DPP6: variants seen among roughly 807,000 people sequenced by gnomAD.
DPP6 encodes dipeptidyl peptidase like 6.
In DPP6, 69 loss-of-function variants were observed where a neutral mutation model predicts 122.6. That is an observed-to-expected ratio of 0.56 (90% CI 0.46 to 0.69). DPP6 has a LOEUF of 0.69. Ranked by LOEUF, DPP6 falls within the 30% of genes least tolerant of loss-of-function variation. The pLI, the probability that DPP6 is intolerant of heterozygous loss-of-function variation, is 0.00. For synonymous variants in DPP6, 418 were observed against 433.1 expected, an observed-to-expected ratio of 0.97 and a Z score of 0.43; for missense variants, 928 against 1,116.9, an observed-to-expected ratio of 0.83 and a Z score of 2.41.
At chr7:154,232,541 C>A (rs1800978133) in intron 1 of DPP6, among the ~76,000 whole-genome samples, 1 of 152,170 alleles carries the variant, frequency 6.6e-6, no homozygotes, top group South Asian at 2.1e-4. Context: ...TCTTACCTTC[C>A]ATGAGGTTGG....
At chr7:154,777,824 G>C (rs747525954) in intron 10 of DPP6, among the ~76,000 whole-genome samples, 1 of 152,064 alleles carries the variant, frequency 6.6e-6, no homozygotes, top group African/African-American at 2.4e-5. Context: ...GCACCTGTGC[G>C]CAGCTGTGGG....
At chr7:154,749,462 A>C (rs1843234350) in intron 8 of DPP6, among the ~76,000 whole-genome samples, 2 of 133,400 alleles carry the variant, frequency 1.5e-5, no homozygotes, top group Admixed American at 7.4e-5. Flanking sequence ...CTTTACTGAG[A>C]GAGGGTGAGA....
At chr7:154,096,580 A>G (rs1222962475) in intron 1 of DPP6, among the ~76,000 whole-genome samples, 6 of 152,152 alleles carry the variant, frequency 3.9e-5, no homozygotes, top group Non-Finnish European at 5.9e-5. Flanking sequence ...ATGTCTGCAT[A>G]ATAAAATATT....
chr7:153,884,460 G>T (rs1310198107), upstream of DPP6, among the ~76,000 whole-genome samples: 2 of 152,190 alleles, frequency 1.3e-5, no homozygotes, highest in Non-Finnish European at 2.9e-5. Flanking sequence ...CATTGTGGAA[G>T]ACAGTATGGC....
intron 1 of DPP6, among the ~76,000 whole-genome samples, chr7:154,330,575 C>T (rs575186613): frequency 1.1e-3 from 175 of 152,236 alleles, no homozygotes; most frequent in Non-Finnish European, 1.6e-3. Context: ...GGACTGAGAC[C>T]GCTCCAGACA....
intron 1 of DPP6, among the ~76,000 whole-genome samples, chr7:154,115,227 T>TC (rs201424460): frequency 1.3e-5 from 2 of 151,862 alleles, no homozygotes; most frequent in African/African-American, 4.8e-5. Flanking sequence ...GGAGGTGCTG[T>TC]CCCCCCTTCT....
At chr7:154,758,766 T>C (rs1421265759) in intron 8 of DPP6, among the ~76,000 whole-genome samples, 1 of 152,200 alleles carries the variant, frequency 6.6e-6, no homozygotes, top group East Asian at 1.9e-4. Flanking sequence ...TTGTTTTGTT[T>C]TGTTTGTAAG....
At chr7:154,853,326 A>G (rs1188926156) in intron 16 of DPP6, among the ~76,000 whole-genome samples, 2 of 152,060 alleles carry the variant, frequency 1.3e-5, no homozygotes, top group Admixed American at 1.3e-4. Flanking sequence ...TTACATGAAT[A>G]CGTTTTTACA....
intron 1 of DPP6, chr7:154,055,738 G>A (rs2129064715): frequency 6.6e-6 from 1 of 152,342 alleles, no homozygotes; most frequent in East Asian, 1.9e-4. Flanking sequence ...GCTTAGCGCA[G>A]GAGAAATCTC....
chr7:154,200,423 A>C (rs1229946788), intron 1 of DPP6, among the ~76,000 whole-genome samples: 12 of 152,154 alleles, frequency 7.9e-5, no homozygotes, highest in African/African-American at 2.9e-4. Flanking sequence ...GATCTATCGA[A>C]CGCTAGTGTG....
intron 1 of DPP6, among the ~76,000 whole-genome samples, chr7:154,410,544 A>T (rs544668094): frequency 3.0e-4 from 46 of 152,264 alleles, no homozygotes; most frequent in Non-Finnish European, 5.7e-4. Flanking sequence ...CAATATTATG[A>T]TATGCAATAC....
At chr7:154,510,283 C>A (rs1825964241) in intron 3 of DPP6, among the ~76,000 whole-genome samples, 1 of 152,170 alleles carries the variant, frequency 6.6e-6, no homozygotes, top group Non-Finnish European at 1.5e-5. Flanking sequence ...AACCAGTGTA[C>A]TAGTCTGGAC....
chr7:154,748,686 C>T (rs1843156508), intron 8 of DPP6, among the ~76,000 whole-genome samples: 1 of 152,162 alleles, frequency 6.6e-6, no homozygotes, highest in South Asian at 2.1e-4. Flanking sequence ...AGGGCCAGGC[C>T]TCACTCTTTC....
chr7:154,843,386 A>C (rs909813480), intron 16 of DPP6, among the ~76,000 whole-genome samples: 1 of 152,224 alleles, frequency 6.6e-6, no homozygotes, highest in African/African-American at 2.4e-5. Context: ...TTGGCTGGGA[A>C]AAAAACAGAA....
Position 154,882,471 on chromosome 7 carries a change from C to T in DPP6, c.2133+1529C>T, listed in dbSNP as rs141745889. On this transcript the variant is annotated intron_variant, in intron 21 of 25. Coordinates refer to ENST00000377770, the MANE Select transcript of DPP6 (RefSeq NM_130797.4). ...CTCCTCTGAAGAATAAAGCGTCAAT[C>T]CTTTTAGTGGCTTGGCATGTTGCGG... Among the ~76,000 whole-genome samples, 9 of 152,320 alleles carry T rather than the reference C, an allele frequency of 5.9e-5. No homozygotes were observed. In the East Asian group the frequency reaches 1.7e-3, roughly 29 times the overall value.
At chr7:154,425,623 T>TGTGG (rs1554545600) in intron 1 of DPP6, among the ~76,000 whole-genome samples, 6 of 116,572 alleles carry the variant, frequency 5.1e-5, no homozygotes, top group African/African-American at 1.9e-4. Context: ...TGTGTGTGGG[T>TGTGG]GTGTGTGTGT....
At chr7:154,115,642 G>A (rs1037743749) in intron 1 of DPP6, among the ~76,000 whole-genome samples, 2 of 152,166 alleles carry the variant, frequency 1.3e-5, no homozygotes, top group Non-Finnish European at 2.9e-5. Context: ...GATGACACTT[G>A]TACTTGTTGC....
the DPP6 span, among the ~76,000 whole-genome samples, chr7:153,802,848 C>T: frequency 3.3e-5 from 5 of 152,220 alleles, no homozygotes; most frequent in African/African-American, 4.8e-5. Context: ...GAGGACACAC[C>T]GAGGATCTGA....
chr7:153,852,354 C>A, the DPP6 span, among the ~76,000 whole-genome samples: 1 of 151,980 alleles, frequency 6.6e-6, no homozygotes, highest in South Asian at 2.1e-4. Flanking sequence ...TCTGGGGAGG[C>A]CTCAGGGAAC....
Sources: allele counts gnomAD v4.1 joint callset (sites outside exome capture counted in the v4.1 genomes callset), GRCh38; gene constraint gnomAD v4.1.1; transcripts MANE v1.5; gene names NCBI Gene and HGNC (gene_info 2026-07-23, HGNC 2026-07-21).